The following CNNM2 variants were observed in gnomAD, a reference collection of about 807,000 sequenced individuals.
The protein encoded by CNNM2 is metal transporter CNNM2.
In CNNM2, 12 loss-of-function variants were observed where a neutral mutation model predicts 66.9. That is an observed-to-expected ratio of 0.18 (90% CI 0.11 to 0.29). The LOEUF (loss-of-function observed/expected upper bound fraction) is 0.29, where lower values mean the gene tolerates loss of function less well. CNNM2 is among the 10% of genes least tolerant of loss of function. The pLI is 1.00. For missense variants in CNNM2, 705 were observed against 1,167.7 expected (o/e 0.60, Z 5.77); for synonymous variants, 557 against 501.8 (o/e 1.11, Z -1.47).
chr10:102,991,263 C>G (rs1410505202), intron 1 of CNNM2, among the ~76,000 whole-genome samples: 1 of 152,104 alleles, frequency 6.6e-6, no homozygotes, highest in Non-Finnish European at 1.5e-5. Flanking sequence ...GCTGGGATTA[C>G]GGATGTGACT....
chr10:103,023,901 G>A (rs1489069660), intron 1 of CNNM2, among the ~76,000 whole-genome samples: 1 of 152,182 alleles, frequency 6.6e-6, no homozygotes, highest in Non-Finnish European at 1.5e-5. Flanking sequence ...TTTTTTAGAT[G>A]TGATAATTTT....
At chr10:103,009,536 T>A (rs1295462927) in intron 1 of CNNM2, among the ~76,000 whole-genome samples, 1 of 151,598 alleles carries the variant, frequency 6.6e-6, no homozygotes, top group Non-Finnish European at 1.5e-5. Flanking sequence ...ACAAAATTTT[T>A]AAAAATTAGC....
Position 103,028,814 on chromosome 10 carries a change from CTTTTTTTTTTTTTCT to C in CNNM2, c.1622-20879_1622-20865del, listed in dbSNP as rs1227799282. 6.5e-4 allele frequency among the ~76,000 whole-genome samples: 82 copies of C among 126,190 alleles called. No homozygotes were observed. The South Asian group carries it at 0.012, about 18-fold the overall frequency. 82.8% of individuals were successfully genotyped at this position (126,190 alleles called of 152,430 possible). On this transcript the variant is annotated intron_variant, in intron 1 of 7. Coordinates refer to ENST00000369878, the MANE Select transcript of CNNM2 (RefSeq NM_017649.5). ...TCTTCTTTCTTTTCTTTTTCTTTTTCTTTTTTTTTTTTTCTTTTTTTTTTTTTTGAGACAGTCTCG... is the reference window on the plus strand; with the variant it reads ...TCTTCTTTCTTTTCTTTTTCTTTTTCTTTTTTTTTTTTTGAGACAGTCTCG...
intron 1 of CNNM2, among the ~76,000 whole-genome samples, chr10:102,978,404 G>A (rs752469100): frequency 6.6e-6 from 1 of 151,516 alleles, no homozygotes; most frequent in South Asian, 2.1e-4. Context: ...TTATGACTTC[G>A]ATTCTCTTAA....
chr10:102,955,402 A>T (rs551517027), intron 1 of CNNM2, among the ~76,000 whole-genome samples: 39 of 152,350 alleles, frequency 2.6e-4, no homozygotes, highest in African/African-American at 8.9e-4. Flanking sequence ...TAAATGTTAG[A>T]CCTAAAACCA....
intron 1 of CNNM2, among the ~76,000 whole-genome samples, chr10:103,017,133 G>C (rs1359803112): frequency 6.6e-6 from 1 of 152,138 alleles, no homozygotes; most frequent in African/African-American, 2.4e-5. Context: ...TTGGTGGTAA[G>C]AACGTGGATG....
At chr10:102,925,296 CAAAAAAA>C (rs10624810) in intron 1 of CNNM2, among the ~76,000 whole-genome samples, 2 of 17,748 alleles carry the variant, frequency 1.1e-4, no homozygotes, top group Admixed American at 1.9e-3. Context: ...AACTCCATCT[CAAAAAAA>C]AAAAAAAAAA....
intron 1 of CNNM2, among the ~76,000 whole-genome samples, chr10:102,966,657 C>T (rs948432686): frequency 2.0e-5 from 3 of 152,124 alleles, no homozygotes; most frequent in African/African-American, 7.2e-5. Context: ...TAAATGGTGC[C>T]TATTCCCTGT....
At chr10:103,006,548 G>A (rs984539096) in intron 1 of CNNM2, among the ~76,000 whole-genome samples, 1 of 151,926 alleles carries the variant, frequency 6.6e-6, no homozygotes, top group Admixed American at 6.6e-5. Flanking sequence ...GATTGAAAAA[G>A]GCCTTATATT....
intron 1 of CNNM2, among the ~76,000 whole-genome samples, chr10:102,988,185 C>T (rs1399364191): frequency 6.6e-6 from 1 of 151,884 alleles, no homozygotes; most frequent in Non-Finnish European, 1.5e-5. Context: ...GCCTGTAATC[C>T]CAGCTACTTG....
In CNNM2 at chr10:103,052,800, G is replaced by A. The variant is rs891285641; in HGVS notation, c.1766-1529G>A. On this transcript the variant is annotated intron_variant, in intron 2 of 7. Transcript: ENST00000369878. ...AAGTGCTGGGATTATAGGCGTCACC[G>A]TGCCTGGCCGATTTCAGGTATATTC... 5.3e-5 allele frequency among the ~76,000 whole-genome samples: 8 copies of A among 152,290 alleles called. No homozygotes were observed. The Middle Eastern group carries it at 0.017, about 324-fold the overall frequency.
intron 1 of CNNM2, among the ~76,000 whole-genome samples, chr10:103,043,979 A>G (rs1338917583): frequency 6.6e-6 from 1 of 152,224 alleles, no homozygotes; most frequent in Non-Finnish European, 1.5e-5. Context: ...GCTTGCAAGA[A>G]AGGGCGCTCT....
At chr10:103,074,570 C>T (rs1261010646) in intron 6 of CNNM2, among the ~76,000 whole-genome samples, 2 of 152,116 alleles carry the variant, frequency 1.3e-5, no homozygotes, top group East Asian at 1.9e-4. Context: ...CGGTGGCTCA[C>T]GCCTGTAATC....
In CNNM2 at chr10:103,070,788, G is replaced by C. The variant is rs370737566; in HGVS notation, c.2168-986G>C. ...CTACTAAAAATACAAAAATTAGCCA[G>C]GCATGGTGGCACATGCCTGTAGTCC... On this transcript the variant is annotated intron_variant, in intron 5 of 7. Transcript: ENST00000369878. 6.5e-4 allele frequency among the ~76,000 whole-genome samples: 99 copies of C among 152,274 alleles called. No homozygotes were observed. The East Asian group carries it at 0.014, about 22-fold the overall frequency.
At chr10:102,964,050 C>T (rs1454033071) in intron 1 of CNNM2, among the ~76,000 whole-genome samples, 1 of 152,036 alleles carries the variant, frequency 6.6e-6, no homozygotes, top group Non-Finnish European at 1.5e-5. Flanking sequence ...TATATCAATC[C>T]CTTAGGCAAG....
chr10:102,952,495 C>T (rs991764681), intron 1 of CNNM2, among the ~76,000 whole-genome samples: 11 of 151,816 alleles, frequency 7.2e-5, no homozygotes, highest in African/African-American at 9.7e-5. Context: ...ACCTGGGAGG[C>T]GGAGCTTGCA....
chr10:102,920,169 T>C lies in CNNM2; in HGVS notation c.1621+68T>C. 3 of 1,613,124 alleles carry C rather than the reference T, an allele frequency of 1.9e-6. No homozygotes were observed. The East Asian group carries it at 6.7e-5, about 36-fold the overall frequency. ...TCCATCCTCCTCCCTACTTGAGTCC[T>C]CTACCCTCAGACCAACCCCCCAAGG... On this transcript the variant is annotated intron_variant, in intron 1 of 7. Transcript: ENST00000369878.
intron 1 of CNNM2, among the ~76,000 whole-genome samples, chr10:102,984,019 G>A (rs999028951): frequency 7.2e-5 from 11 of 152,168 alleles, no homozygotes; most frequent in African/African-American, 1.9e-4. Context: ...GCCTCCCAAA[G>A]TGCTGGGATT....
At chr10:102,922,409 A>G (rs912573454) in intron 1 of CNNM2, among the ~76,000 whole-genome samples, 19 of 151,840 alleles carry the variant, frequency 1.3e-4, no homozygotes, top group African/African-American at 3.9e-4. Flanking sequence ...GAGTTAAAAC[A>G]TTTTACCTGA....
Sources: allele counts gnomAD v4.1 joint callset (sites outside exome capture counted in the v4.1 genomes callset), GRCh38; gene constraint gnomAD v4.1.1; transcripts MANE v1.5; gene names NCBI Gene and HGNC (gene_info 2026-07-23, HGNC 2026-07-21).